Variants in PTPRO observed in about 807,000 individuals in gnomAD.
The protein encoded by PTPRO is receptor-type tyrosine-protein phosphatase O.
In PTPRO, 62 loss-of-function variants were observed where a neutral mutation model predicts 145.2. That is an observed-to-expected ratio of 0.43 (90% CI 0.35 to 0.53). The LOEUF is 0.53. Ranked by LOEUF, PTPRO falls within the 20% of genes least tolerant of loss-of-function variation. The pLI is 0.01. For synonymous variants in PTPRO, 565 were observed against 514.7 expected (o/e 1.10, Z -1.32); for missense variants, 1,345 against 1,482.7 (o/e 0.91, Z 1.53).
chr12:15,469,768 C>CAAAA (rs3085503), intron 1 of PTPRO, among the ~76,000 whole-genome samples: 9,029 of 110,050 alleles, frequency 0.082, 543 homozygotes, highest in Admixed American at 0.12. Flanking sequence ...AGTGTCCTGA[C>CAAAA]AAAAAAAAAA....
At chr12:15,470,974 C>T (rs1043309622) in intron 1 of PTPRO, among the ~76,000 whole-genome samples, 10 of 152,256 alleles carry the variant, frequency 6.6e-5, no homozygotes, top group East Asian at 3.9e-4. Flanking sequence ...CATGTACCCT[C>T]CAGTCTGCTA....
chr12:15,534,553 G>C (rs1483480749), intron 12 of PTPRO, among the ~76,000 whole-genome samples: 1 of 152,106 alleles, frequency 6.6e-6, no homozygotes, highest in Non-Finnish European at 1.5e-5. Flanking sequence ...TCTACAACAG[G>C]GAAATGTGGT....
chr12:15,481,403 C>G (rs565011607), intron 1 of PTPRO, among the ~76,000 whole-genome samples: 1 of 152,180 alleles, frequency 6.6e-6, no homozygotes, highest in Non-Finnish European at 1.5e-5. Context: ...CAAGAACTTC[C>G]CTAGAACTTA....
At chr12:15,557,389 C>G in intron 15 of PTPRO, 66 bp from the exon 16 acceptor site, 1 of 1,383,608 alleles carries the variant, frequency 7.2e-7, no homozygotes, top group South Asian at 1.2e-5. Context: ...ACTCTCTTTA[C>G]TTTTAGGTCA....
chr12:15,590,734 C>T (rs1311482897), intron 25 of PTPRO, among the ~76,000 whole-genome samples: 1 of 152,140 alleles, frequency 6.6e-6, no homozygotes, highest in Non-Finnish European at 1.5e-5. Context: ...ATTCAGACCT[C>T]TCATTGATAA....
intron 11 of PTPRO, among the ~76,000 whole-genome samples, chr12:15,525,334 C>G (rs1942815516): frequency 6.6e-6 from 1 of 152,120 alleles, no homozygotes; most frequent in Non-Finnish European, 1.5e-5. Context: ...TTTCTTTTCT[C>G]CAAAATACGC....
In PTPRO at chr12:15,349,445, A is replaced by G. The variant is rs149622926; in HGVS notation, c.75+26644A>G. On this transcript the variant is annotated intron_variant, in intron 1 of 26. Transcript: ENST00000281171. ...TCCAGCTGCAAATGGGGAATGGAAGAGGGGCAACACTGTATGCAGAGACTA... is the reference window on the plus strand; with the variant it reads ...TCCAGCTGCAAATGGGGAATGGAAGGGGGGCAACACTGTATGCAGAGACTA... 1.1e-3 allele frequency among the ~76,000 whole-genome samples: 173 copies of G among 152,340 alleles called. 1 individual carries two copies. Among genetic ancestry groups the G allele is most frequent in the Non-Finnish European group, 1.9e-3 (129 of 68,032 alleles).
At chr12:15,472,465 T>C (rs117766101) in intron 1 of PTPRO, among the ~76,000 whole-genome samples, 2,656 of 152,324 alleles carry the variant, frequency 0.017, 36 homozygotes, top group Non-Finnish European at 0.029. Context: ...CACTCTATTC[T>C]GATCATCCTC....
At chr12:15,480,931 T>C (rs776974639) in intron 1 of PTPRO, among the ~76,000 whole-genome samples, 1 of 152,192 alleles carries the variant, frequency 6.6e-6, no homozygotes, top group Non-Finnish European at 1.5e-5. Context: ...AGTTGTTTAT[T>C]TGGTAATTTG....
intron 1 of PTPRO, among the ~76,000 whole-genome samples, chr12:15,431,640 A>G (rs905700327): frequency 6.6e-6 from 1 of 152,184 alleles, no homozygotes; most frequent in African/African-American, 2.4e-5. Flanking sequence ...GCAAATGAAA[A>G]CATAAGAAAT....
intron 1 of PTPRO, among the ~76,000 whole-genome samples, chr12:15,479,406 A>G (rs1289412001): frequency 6.6e-6 from 1 of 152,140 alleles, no homozygotes; most frequent in Admixed American, 6.5e-5. Flanking sequence ...AGCTGGACAG[A>G]CGGCAGCCTG....
rs970939251 is a variant in PTPRO, at chr12:15,521,412, C to T, written c.1891+1100C>T. ...GAGAAAATAGCAGTTACTTGGCAAG[C>T]GCTGTTAGTCTTTTGCCTATAATGA... On this transcript the variant is annotated intron_variant, in intron 10 of 26. Transcript: ENST00000281171. Among the ~76,000 whole-genome samples, 4 of 152,132 alleles carry T rather than the reference C, an allele frequency of 2.6e-5. No individual in the cohort carries two copies. In the South Asian group the frequency reaches 6.2e-4, roughly 24 times the overall value.
chr12:15,351,606 G>C (rs1485768318), intron 1 of PTPRO, among the ~76,000 whole-genome samples: 4 of 152,204 alleles, frequency 2.6e-5, no homozygotes, highest in African/African-American at 9.6e-5. Context: ...AAAACTGCAG[G>C]TAATGAAGCC....
At chr12:15,441,398 G>T (rs1310597473) in intron 1 of PTPRO, among the ~76,000 whole-genome samples, 1 of 151,566 alleles carries the variant, frequency 6.6e-6, no homozygotes. Flanking sequence ...TTACCTCAAA[G>T]AGTTAGAAAG....
At chr12:15,510,264 C>G (rs1336273331) in intron 7 of PTPRO, among the ~76,000 whole-genome samples, 2 of 152,018 alleles carry the variant, frequency 1.3e-5, no homozygotes, top group Admixed American at 1.3e-4. Context: ...AATGAGGTGC[C>G]CCTTGAGTTG....
intron 1 of PTPRO, among the ~76,000 whole-genome samples, chr12:15,361,120 G>A (rs568439559): frequency 6.6e-6 from 1 of 151,450 alleles, no homozygotes; most frequent in East Asian, 2.0e-4. Flanking sequence ...TTAATAAATA[G>A]CTCAAGAATC....
At chr12:15,570,457 C>G (rs909612458) in intron 19 of PTPRO, among the ~76,000 whole-genome samples, 3 of 152,026 alleles carry the variant, frequency 2.0e-5, no homozygotes, top group African/African-American at 7.2e-5. Flanking sequence ...ATCAGTGGTC[C>G]TGGTGTGGAG....
At chr12:15,484,311 C>G (rs1205536178) in intron 2 of PTPRO, 64 bp downstream of exon 2, 2 of 1,583,762 alleles carry the variant, frequency 1.3e-6, no homozygotes, top group Non-Finnish European at 8.6e-7. Flanking sequence ...TCCCGTAGGG[C>G]TCGAATTGAC....
chr12:15,432,664 T>C (rs1940476565), intron 1 of PTPRO, among the ~76,000 whole-genome samples: 1 of 152,188 alleles, frequency 6.6e-6, no homozygotes, highest in South Asian at 2.1e-4. Context: ...TGCCAGTATC[T>C]GTTATTTTGT....
Sources: gnomAD v4.1 joint callset for allele counts (sites outside exome capture counted in the v4.1 genomes callset) on GRCh38, gnomAD v4.1.1 for gene constraint, MANE v1.5 for transcripts, NCBI Gene and HGNC (gene_info 2026-07-23, HGNC 2026-07-21) for gene names.